The following CEP85 variants were observed in gnomAD, a reference collection of about 807,000 sequenced individuals.
CEP85 encodes the protein centrosomal protein of 85 kDa.
Under a neutral mutation model 93.7 loss-of-function variants are expected in CEP85, and 58 were observed. The observed-to-expected ratio is 0.62, with a 90% confidence interval of 0.50 to 0.77. CEP85 has a LOEUF of 0.77. CEP85 is among the 30% of genes least tolerant of loss of function. CEP85 has a pLI of 0.00. For missense variants in CEP85, 868 were observed against 922.0 expected (o/e 0.94, Z 0.76); for synonymous variants, 314 against 338.6 (o/e 0.93, Z 0.80).
At position 26,257,642 on chromosome 1, in the gene CEP85, T is replaced by G; in HGVS notation, c.949T>G (p.Ser317Ala). Residue 317 changes from serine (S) to alanine (A), a missense_variant, in exon 5 of 14, where the codon TCA becomes GCA. By Grantham distance (99) the Ser-to-Ala change is moderately conservative. Transcript: ENST00000451429. The stretch of plus-strand genomic sequence containing the variant: ...CCACCATCCTGCTGCTTTTGGTCCT[T>G]CACTGCCCATCTTAGAGCCAGCACA... ...ICHHPAAFGPSLPILEPAQWI... is the reference protein window; with the variant it reads ...ICHHPAAFGPALPILEPAQWI... The G allele has an allele frequency of 6.2e-7, 1 of 1,614,214 alleles. No homozygotes were observed. The highest frequency in any genetic ancestry group is 1.1e-5 in the South Asian group (1 of 91,086).
rs957748688 is a variant in CEP85, at chr1:26,277,648, C to T, written c.*355C>T. On this transcript the variant is annotated 3_prime_UTR_variant, in exon 14 of 14. Transcript: ENST00000451429. ...GATGGATCCATGTTCATTCCCACTTCACACCTTGGTCCTGCTGATTAGAGA... is the reference window on the plus strand; with the variant it reads ...GATGGATCCATGTTCATTCCCACTTTACACCTTGGTCCTGCTGATTAGAGA... The T allele has an allele frequency of 6.6e-5, 12 of 181,080 alleles. No individual in the cohort carries two copies. Among genetic ancestry groups the T allele is most frequent in the Non-Finnish European group, 7.2e-5 (6 of 83,516 alleles). The allele number at this position is 181,080 out of a possible 1,614,324, so 11.2% of individuals were successfully genotyped here. A position where few individuals can be genotyped will look rare whatever the true frequency, so the allele number is the denominator to read the frequency against.
chr1:26,251,913 A>G (rs759602614), intron 3 of CEP85, among the ~76,000 whole-genome samples: 56 of 152,096 alleles, frequency 3.7e-4, no homozygotes, highest in Non-Finnish European at 7.2e-4. Flanking sequence ...ACTGATAACT[A>G]TGGTGCTGTT....
intron 1 of CEP85, among the ~76,000 whole-genome samples, chr1:26,236,596 C>T (rs1441740786): frequency 1.3e-5 from 2 of 152,210 alleles, no homozygotes; most frequent in Non-Finnish European, 2.9e-5. Flanking sequence ...TTACTCCTTA[C>T]GGGGTTTCTT....
intron 3 of CEP85, among the ~76,000 whole-genome samples, chr1:26,246,225 C>T (rs1426810931): frequency 6.6e-6 from 1 of 152,008 alleles, no homozygotes; most frequent in Non-Finnish European, 1.5e-5. Flanking sequence ...TATTCCTGAC[C>T]CGATAGTTCT....
At chr1:26,236,556 TAAGTC>T (rs2089329947) in intron 1 of CEP85, among the ~76,000 whole-genome samples, 1 of 152,234 alleles carries the variant, frequency 6.6e-6, no homozygotes, top group African/African-American at 2.4e-5. Flanking sequence ...ATCTAATTCT[TAAGTC>T]AAGAATGATT....
At chr1:26,277,075 A>G in intron 13 of CEP85, 61 bp from the exon 14 acceptor site, 2 of 1,535,688 alleles carry the variant, frequency 1.3e-6, no homozygotes, top group South Asian at 2.3e-5. Context: ...TCCATACTGC[A>G]CCCTCCACAT....
rs540554203 is a variant in CEP85, at chr1:26,244,205, A to G, written c.95A>G (p.Glu32Gly). ...VIQKGSSLGT[E>G]WQTPVISEPF... ...CAGAAGGGCAGTTCCCTGGGGACTG[A>G]ATGGCAGACCCCAGTTATCTCGGAG... The change falls in exon 3 of 14, where the codon GAA becomes GGA. Residue 32 changes from glutamate to glycine, a missense_variant. Coordinates refer to ENST00000451429, the MANE Select transcript of CEP85 (RefSeq NM_001319944.2). 1.9e-4 allele frequency: 307 copies of G among 1,613,432 alleles called. 5 individuals are homozygous for G. The South Asian group carries it at 3.2e-3, about 17-fold the overall frequency.
chr1:26,263,224 C>A, intron 7 of CEP85: 1 of 304,436 alleles, frequency 3.3e-6, no homozygotes. Context: ...GAAATACCCA[C>A]CTCTGCTGTG....
intron 7 of CEP85, among the ~76,000 whole-genome samples, chr1:26,261,286 A>G (rs2089803615): frequency 6.6e-6 from 1 of 151,888 alleles, no homozygotes; most frequent in African/African-American, 2.4e-5. Flanking sequence ...CAGCCTGACC[A>G]ACATGGAGAA....
chr1:26,244,630 C>T (rs1248155417), intron 3 of CEP85, among the ~76,000 whole-genome samples: 1 of 152,066 alleles, frequency 6.6e-6, no homozygotes, highest in Non-Finnish European at 1.5e-5. Flanking sequence ...AGGTAATCCT[C>T]CCACCTCAGC....
chr1:26,254,389 G>A (rs1036675747), intron 3 of CEP85, among the ~76,000 whole-genome samples: 4 of 151,360 alleles, frequency 2.6e-5, no homozygotes, highest in Non-Finnish European at 4.4e-5. Context: ...GACCAGGCAG[G>A]AGCCAAAGGA....
rs189508034 is a variant in CEP85 at position 26,248,620 on chromosome 1, C to T, written c.208+4302C>T. Among the ~76,000 whole-genome samples the T allele has an allele frequency of 5.9e-5, 9 of 151,334 alleles. No individual in the cohort carries two copies. The East Asian group carries it at 7.8e-4, about 13-fold the overall frequency. ...AAGCGATTCTCCTCTTTCAGCCTCCCGAGTAACTGGGATTACAGGCGTGTA... is the reference window on the plus strand; with the variant it reads ...AAGCGATTCTCCTCTTTCAGCCTCCTGAGTAACTGGGATTACAGGCGTGTA... On this transcript the variant is annotated intron_variant, in intron 3 of 13. Coordinates refer to ENST00000451429, the MANE Select transcript of CEP85 (RefSeq NM_001319944.2).
intron 1 of CEP85, among the ~76,000 whole-genome samples, chr1:26,235,949 A>G (rs1314246354): frequency 1.3e-5 from 2 of 152,356 alleles, no homozygotes; most frequent in African/African-American, 4.8e-5. Context: ...AACTTGAGAA[A>G]TAAAGCCTAG....
intron 3 of CEP85, among the ~76,000 whole-genome samples, chr1:26,246,835 GAAAAT>G (rs2089516938): frequency 1.3e-5 from 2 of 151,792 alleles, no homozygotes; most frequent in South Asian, 4.2e-4. Flanking sequence ...TTAAGAAAAA[GAAAAT>G]AAAATGAAAT....
At chr1:26,240,117 GA>G (rs1274330163) in intron 2 of CEP85, among the ~76,000 whole-genome samples, 1 of 152,144 alleles carries the variant, frequency 6.6e-6, no homozygotes, top group Non-Finnish European at 1.5e-5. Context: ...TTTGAAATCA[GA>G]AAAACACAGC....
rs2090056270 is a variant in CEP85 at position 26,276,611 on chromosome 1, C to T, written c.1979C>T (p.Ser660Phe). 3 of 1,614,248 alleles carry T rather than the reference C, an allele frequency of 1.9e-6. No individual in the cohort carries two copies. Among genetic ancestry groups the T allele is most frequent in the Non-Finnish European group, 2.5e-6 (3 of 1,180,040 alleles). ...CACCTGCGCCAGGCCCAACCAGGGT[C>T]TCCACCTTCACCAGACACGGCCCAG... ...QEHLRQAQPG[S>F]PPSPDTAQLA... The change falls in exon 13 of 14, where the codon TCT becomes TTT. Residue 660 changes from serine to phenylalanine, a missense_variant. Transcript: ENST00000451429.
At chr1:26,258,110 AGGACC>A (rs769816624) in intron 5 of CEP85, 28 bp from the exon 6 acceptor site, 1 of 1,512,722 alleles carries the variant, frequency 6.6e-7, no homozygotes, top group South Asian at 1.1e-5. Flanking sequence ...GGTTAGCATC[AGGACC>A]CTGACCTGAT....
chr1:26,271,770 C>A, intron 10 of CEP85: 1 of 474,132 alleles, frequency 2.1e-6, no homozygotes, highest in Non-Finnish European at 3.8e-6. Context: ...GTTCCCTTTC[C>A]CCCAGTAGTG....
At chr1:26,257,419 G>A (rs2089724454) in intron 4 of CEP85, among the ~76,000 whole-genome samples, 178 bp from the exon 5 acceptor site, 1 of 152,180 alleles carries the variant, frequency 6.6e-6, no homozygotes, top group African/African-American at 2.4e-5. Context: ...GTTGGCAGAA[G>A]CCTTCCTGGC....
Sources: gnomAD v4.1 joint callset for allele counts (sites outside exome capture counted in the v4.1 genomes callset) on GRCh38, gnomAD v4.1.1 for gene constraint, MANE v1.5 for transcripts, NCBI Gene and HGNC (gene_info 2026-07-23, HGNC 2026-07-21) for gene names.